FOCAD: variants seen among roughly 807,000 people sequenced by gnomAD.
FOCAD encodes the protein KIAA1797.
In FOCAD, 198 loss-of-function variants were observed where a neutral mutation model predicts 225.6. That is an observed-to-expected ratio of 0.88 (90% CI 0.78 to 0.99). FOCAD has a LOEUF of 0.99. Among genes scored for constraint, FOCAD ranks in the 50% least tolerant of loss-of-function variants. FOCAD has a pLI of 0.00. For synonymous variants in FOCAD, 897 were observed against 755.0 expected, an observed-to-expected ratio of 1.19 and a Z score of -3.08; for missense variants, 2,713 against 2,123.6, an observed-to-expected ratio of 1.28 and a Z score of -5.46.
At chr9:20,991,133 A>C (rs1841632510) in intron 42 of FOCAD, among the ~76,000 whole-genome samples, 1 of 152,160 alleles carries the variant, frequency 6.6e-6, no homozygotes, top group Non-Finnish European at 1.5e-5. Flanking sequence ...GAATTGTTAA[A>C]ACATATGACC....
At chr9:20,905,615 A>G (rs1832889485) in intron 21 of FOCAD, among the ~76,000 whole-genome samples, 1 of 152,034 alleles carries the variant, frequency 6.6e-6, no homozygotes, top group Non-Finnish European at 1.5e-5. Flanking sequence ...GAAGATAATT[A>G]ATATATTTTA....
intron 11 of FOCAD, among the ~76,000 whole-genome samples, chr9:20,817,885 T>C (rs952712743): frequency 6.6e-6 from 1 of 152,194 alleles, no homozygotes; most frequent in African/African-American, 2.4e-5. Context: ...GTGTTCTTTT[T>C]TCTTAAGTAG....
intron 15 of FOCAD, among the ~76,000 whole-genome samples, chr9:20,826,967 TCTTA>T (rs1415426445): frequency 1.3e-5 from 2 of 152,192 alleles, no homozygotes; most frequent in Non-Finnish European, 2.9e-5. Context: ...GCCTTAATTT[TCTTA>T]CTTCTTTCTG....
At chr9:20,810,344 A>T (rs967464898) in intron 11 of FOCAD, among the ~76,000 whole-genome samples, 1 of 152,110 alleles carries the variant, frequency 6.6e-6, no homozygotes. Context: ...AGAGATTTCA[A>T]ACTCCTCCTT....
At chr9:20,780,189 G>T (rs987446406) in intron 9 of FOCAD, among the ~76,000 whole-genome samples, 1 of 152,142 alleles carries the variant, frequency 6.6e-6, no homozygotes, top group Non-Finnish European at 1.5e-5. Flanking sequence ...AATTTCTTGT[G>T]ATCATTTGTA....
intron 23 of FOCAD, among the ~76,000 whole-genome samples, chr9:20,915,856 A>G (rs1564146666): frequency 6.6e-6 from 1 of 152,214 alleles, no homozygotes; most frequent in Non-Finnish European, 1.5e-5. Flanking sequence ...GTAAGTATAC[A>G]TAGGTCATCA....
chr9:20,947,667 TA>T (rs1256413917), intron 30 of FOCAD, among the ~76,000 whole-genome samples: 2 of 152,082 alleles, frequency 1.3e-5, no homozygotes, highest in Admixed American at 6.6e-5. Flanking sequence ...TAATACAATT[TA>T]AAAAAACTGA....
chr9:20,984,744 T>A (rs1840998567), intron 39 of FOCAD, among the ~76,000 whole-genome samples: 2 of 151,904 alleles, frequency 1.3e-5, no homozygotes, highest in African/African-American at 4.9e-5. Context: ...TTTCACATAA[T>A]TACGGACATC....
intron 23 of FOCAD, among the ~76,000 whole-genome samples, chr9:20,916,508 C>T (rs959229963): frequency 5.9e-5 from 9 of 152,110 alleles, no homozygotes; most frequent in African/African-American, 1.7e-4. Context: ...TAAATGCCAC[C>T]ACATTGGGGA....
intron 26 of FOCAD, chr9:20,929,118 T>G: frequency 2.3e-6 from 1 of 432,328 alleles, no homozygotes; most frequent in Non-Finnish European, 4.1e-6. Flanking sequence ...GGAAGACGCT[T>G]GTAATTTGGT....
chr9:20,822,031 C>T (rs1412881805), intron 14 of FOCAD, among the ~76,000 whole-genome samples: 1 of 118,296 alleles, frequency 8.5e-6, no homozygotes, highest in Non-Finnish European at 1.7e-5. Context: ...AAAGGAGTTA[C>T]ATGTGTGTAA....
intron 18 of FOCAD, among the ~76,000 whole-genome samples, chr9:20,868,599 G>A (rs540665263): frequency 5.9e-5 from 9 of 152,124 alleles, no homozygotes; most frequent in South Asian, 4.1e-4. Flanking sequence ...AATGGTAAAC[G>A]TACTTAGAGT....
At chr9:20,669,135 G>C (rs1038227511) in intron 2 of FOCAD, among the ~76,000 whole-genome samples, 5 of 152,132 alleles carry the variant, frequency 3.3e-5, no homozygotes, top group Non-Finnish European at 5.9e-5. Flanking sequence ...AAGGACCATA[G>C]CTGGTCTTTG....
chr9:20,890,670 A>G (rs7850387), intron 21 of FOCAD, among the ~76,000 whole-genome samples: 42,353 of 151,906 alleles, frequency 0.28, 6,108 homozygotes, highest in Middle Eastern at 0.34. Flanking sequence ...TATCAGGGTA[A>G]TTTTGTCCAA....
chr9:20,900,670 G>T (rs1327280857), intron 21 of FOCAD, among the ~76,000 whole-genome samples: 1 of 151,896 alleles, frequency 6.6e-6, no homozygotes, highest in Non-Finnish European at 1.5e-5. Context: ...AGTGGTATCT[G>T]TGCTTATTAC....
chr9:20,723,348 C>T (rs1467260324), intron 4 of FOCAD, among the ~76,000 whole-genome samples: 8 of 152,102 alleles, frequency 5.3e-5, no homozygotes, highest in African/African-American at 1.7e-4. Context: ...ATTAGCCGGG[C>T]GTGGTGACTT....
intron 7 of FOCAD, among the ~76,000 whole-genome samples, chr9:20,766,434 A>G (rs1009750453): frequency 3.3e-5 from 5 of 152,182 alleles, no homozygotes; most frequent in African/African-American, 1.2e-4. Flanking sequence ...AAACATGACT[A>G]TCTCATGGCT....
chr9:20,771,493 T>C (rs908262419), intron 8 of FOCAD, among the ~76,000 whole-genome samples: 5 of 152,150 alleles, frequency 3.3e-5, no homozygotes, highest in African/African-American at 1.2e-4. Flanking sequence ...GTGCAGTGGC[T>C]CTCACCTGTA....
intron 20 of FOCAD, among the ~76,000 whole-genome samples, chr9:20,884,173 G>A (rs1386863999): frequency 6.6e-6 from 1 of 151,118 alleles, no homozygotes; most frequent in Non-Finnish European, 1.5e-5. Flanking sequence ...AGTTCACAAA[G>A]TCAAGACTTG....
Sources: allele counts gnomAD v4.1 joint callset (sites outside exome capture counted in the v4.1 genomes callset), GRCh38; gene constraint gnomAD v4.1.1; transcripts MANE v1.5; gene names NCBI Gene and HGNC (gene_info 2026-07-23, HGNC 2026-07-21).